ZNF534: variants seen among roughly 807,000 people sequenced by gnomAD.
ZNF534 encodes zinc finger protein 534, also known as KRAB domain only 3.
A neutral mutation model predicts 13.6 loss-of-function variants in ZNF534; 19 were observed. The ratio of observed to expected loss-of-function variants is 1.40; its 90% CI spans 0.97 to 2.05. ZNF534 has a LOEUF of 2.05. Ranked by LOEUF, ZNF534 falls within the 30% of genes most tolerant of loss-of-function variation. ZNF534 has a pLI of 0.00. For missense variants in ZNF534, 782 were observed against 796.3 expected, an observed-to-expected ratio of 0.98 and a Z score of 0.22; for synonymous variants, 244 against 273.8, an observed-to-expected ratio of 0.89 and a Z score of 1.07.
At position 52,442,251 on chromosome 19, in the gene ZNF534, G is replaced by A. The variant is rs967902957; in HGVS notation, c.*2805G>A. On this transcript the variant is annotated 3_prime_UTR_variant, in exon 5 of 5. Coordinates refer to ENST00000433050, the MANE Select transcript of ZNF534 (RefSeq NM_001143938.3). ...GATGGGCATGACACCCATGCTGAAGGTCGTTGGTTTACCAGAATGATGGCA... is the reference window on the plus strand; with the variant it reads ...GATGGGCATGACACCCATGCTGAAGATCGTTGGTTTACCAGAATGATGGCA... Among the ~76,000 whole-genome samples, 1 of 152,170 alleles carries A rather than the reference G, an allele frequency of 6.6e-6. No homozygotes were observed. Among genetic ancestry groups the A allele is most frequent in the African/African-American group, 2.4e-5 (1 of 41,438 alleles).
chr19:52,451,985 C>A, exon 5 of ZNF534: 1 of 317,232 alleles, frequency 3.2e-6, no homozygotes, highest in Non-Finnish European at 6.4e-6. Context: ...ATACCTTTTT[C>A]TTAAAAACAA....
chr19:52,445,579 T>C (rs1198769265), downstream of ZNF534, among the ~76,000 whole-genome samples: 1 of 152,160 alleles, frequency 6.6e-6, no homozygotes, highest in Non-Finnish European at 1.5e-5. Flanking sequence ...CAGTGACGGT[T>C]TGTGTTCTTG....
intron 1 of ZNF534, among the ~76,000 whole-genome samples, 162 bp downstream of exon 1, chr19:52,429,406 C>T (rs2059071481): frequency 1.3e-5 from 2 of 152,158 alleles, no homozygotes; most frequent in Non-Finnish European, 1.5e-5. Flanking sequence ...CGCTTACCTG[C>T]GTGTTAAAAC....
At chr19:52,430,845 C>CTT (rs55783711) in intron 1 of ZNF534, among the ~76,000 whole-genome samples, 1 of 144,242 alleles carries the variant, frequency 6.9e-6, no homozygotes. Flanking sequence ...CACACATGGC[C>CTT]TTTTTTTTTT....
At chr19:52,435,297 G>A (rs2059121868) in intron 4 of ZNF534, 88 bp downstream of exon 4, 1 of 1,408,492 alleles carries the variant, frequency 7.1e-7, no homozygotes, top group African/African-American at 1.4e-5. Context: ...GGAGTACAGT[G>A]GCAATCATAG....
chr19:52,433,377 G>C (rs905409481), intron 2 of ZNF534, among the ~76,000 whole-genome samples: 14 of 151,266 alleles, frequency 9.3e-5, no homozygotes, highest in African/African-American at 3.2e-4. Flanking sequence ...TCTTTTTGGG[G>C]GGGGGAGGGG....
At position 52,439,333 on chromosome 19, in the gene ZNF534, A is replaced by T. The variant is rs1302973565; in HGVS notation, c.1873A>T (p.Arg625Trp). Residue 625 changes from arginine (R) to tryptophan (W), a missense_variant, in exon 5 of 5, where the codon AGG becomes TGG. Physicochemically the swap from Arg to Trp is moderately radical, Grantham distance 101. Around this residue, in one of 5 missense-constraint regions of ZNF534, gnomAD observed 60 missense variants for 59.9 expected, o/e 1.00. Transcript: ENST00000433050. Reference protein sequence around the residue: ...FSRNSRLAQHRNIHTGVKPYS... With the variant: ...FSRNSRLAQHWNIHTGVKPYS... ...TCGGAATTCACGCCTTGCACAACAT[A>T]GGAATATTCATACTGGAGTGAAGCC... The T allele has an allele frequency of 1.2e-5, 18 of 1,553,724 alleles. No individual in the cohort carries two copies. The highest frequency in any genetic ancestry group is 1.6e-5 in the Non-Finnish European group (18 of 1,148,168).
chr19:52,448,253 A>G (rs368398794), intron 4 of ZNF534, among the ~76,000 whole-genome samples: 274 of 152,146 alleles, frequency 1.8e-3, no homozygotes, highest in South Asian at 9.8e-3. Flanking sequence ...CATCTCTACT[A>G]AAAATACAAA....
Position 52,434,049 on chromosome 19 carries a change from T to C in ZNF534, c.110T>C (p.Met37Thr), listed in dbSNP as rs2059111369. ...PGQKALYRDVMLENYRNLVSL... is the reference protein window; with the variant it reads ...PGQKALYRDVTLENYRNLVSL... The stretch of plus-strand genomic sequence containing the variant: ...CAGAAAGCTTTATACAGGGACGTGA[T>C]GTTAGAGAACTACAGGAACCTGGTC... Residue 37 changes from methionine (M) to threonine (T), a missense_variant, in exon 3 of 5, where the codon ATG becomes ACG. Met to Thr is a moderately conservative substitution (Grantham distance 81, BLOSUM62 -1). Coordinates refer to ENST00000433050, the MANE Select transcript of ZNF534 (RefSeq NM_001143938.3). The C allele has an allele frequency of 1.9e-6, 3 of 1,614,062 alleles. No homozygotes were observed. Among genetic ancestry groups the C allele is most frequent in the Admixed American group, 3.3e-5 (2 of 60,000 alleles).
chr19:52,451,247 G>A lies in ZNF534; in HGVS notation c.332G>A (p.Gly111Glu), dbSNP rs545152406. 1.2e-5 allele frequency: 9 copies of A among 760,674 alleles called. No individual in the cohort carries two copies. In the African/African-American group the frequency reaches 1.6e-4, roughly 13 times the overall value. The allele number at this position is 760,674 out of a possible 1,614,324, so 47.1% of individuals were successfully genotyped here. The change falls in exon 5 of 5, where the codon GGA becomes GAA. Residue 111 changes from glycine (G) to glutamate (E), a missense_variant. By Grantham distance (98) the Gly-to-Glu change is moderately conservative (BLOSUM62 -2). Transcript: ENST00000301085. The stretch of plus-strand genomic sequence containing the variant: ...AGGGTGGAAGCCTGGCGCGCGTCCG[G>A]AGGTGCTGAGGAGCCAACCGGCCCA...
chr19:52,447,683 A>G (rs1420807929), intron 4 of ZNF534, among the ~76,000 whole-genome samples: 1 of 152,066 alleles, frequency 6.6e-6, no homozygotes, highest in Non-Finnish European at 1.5e-5. Context: ...TACATTGATC[A>G]AATTTTATTT....
rs1419632940 is a variant in ZNF534 at position 52,435,883 on chromosome 19, G to A, written c.271+674G>A. 2.7e-5 allele frequency among the ~76,000 whole-genome samples: 4 copies of A among 150,824 alleles called. No individual in the cohort carries two copies. The East Asian group carries it at 7.8e-4, about 29-fold the overall frequency. On this transcript the variant is annotated intron_variant, in intron 4 of 4. Coordinates refer to ENST00000433050, the MANE Select transcript of ZNF534 (RefSeq NM_001143938.3). ...GAAAGCCTGAATTATTTTTGTAGAT[G>A]AGTTTTACTAAATATAGTATTCTTC...
chr19:52,444,651 ACT>A (rs2059187903), downstream of ZNF534, among the ~76,000 whole-genome samples: 1 of 146,868 alleles, frequency 6.8e-6, no homozygotes, highest in Admixed American at 6.8e-5. Context: ...CTGAGCTCAG[ACT>A]CTCCTTGGCA....
chr19:52,435,933 C>T (rs62110196), intron 4 of ZNF534, among the ~76,000 whole-genome samples: 2 of 17,552 alleles, frequency 1.1e-4, no homozygotes, highest in African/African-American at 1.4e-4. Context: ...TATTTTTCTT[C>T]TTCTTCTTTT....
intron 4 of ZNF534, 23 bp from the exon 5 acceptor site, chr19:52,437,709 C>A: frequency 6.5e-7 from 1 of 1,533,418 alleles, no homozygotes; most frequent in Non-Finnish European, 8.7e-7. Flanking sequence ...GGATTAAGTT[C>A]TAAAATTTTC....
At position 52,437,867 on chromosome 19, in the gene ZNF534, A is replaced by G. The variant is rs747483625; in HGVS notation, c.407A>G (p.Glu136Gly). 4.3e-6 allele frequency: 7 copies of G among 1,613,712 alleles called. No homozygotes were observed. The African/African-American group carries it at 9.3e-5, about 22-fold the overall frequency. ...AATATTTATGGATGTAAGCATGTTG[A>G]GAAATCTATCAGTGACAATTCTTCA... The part of the protein sequence containing the change: ...VRNIYGCKHV[E>G]KSISDNSSVS... Residue 136 changes from glutamate to glycine, a missense_variant, in exon 5 of 5, where the codon GAG becomes GGG. Glu to Gly is a moderately conservative substitution (Grantham distance 98). This residue lies in a region of ZNF534 where 591 missense variants were observed against 574.0 expected (regional missense o/e 1.03). Coordinates refer to ENST00000433050, the MANE Select transcript of ZNF534 (RefSeq NM_001143938.3).
rs151189562 is a variant in ZNF534, at chr19:52,438,071, G to A, written c.611G>A (p.Arg204His). The part of the protein sequence containing the change: ...VFRVSSSLTN[R>H]QVIHIADKTY... ...AGAGTGTCTTCAAGCCTTACTAACC[G>A]TCAAGTAATCCACATTGCAGATAAA... Residue 204 changes from arginine to histidine, a missense_variant, in exon 5 of 5, where the codon CGT becomes CAT. Physicochemically the swap from Arg to His is conservative, Grantham distance 29 (BLOSUM62 0). Coordinates refer to ENST00000433050, the MANE Select transcript of ZNF534 (RefSeq NM_001143938.3). 61 of 1,614,120 alleles carry A rather than the reference G, an allele frequency of 3.8e-5. No homozygotes were observed. Among genetic ancestry groups the A allele is most frequent in the African/African-American group, 2.4e-4 (18 of 75,042 alleles).
chr19:52,439,851 C>T lies in ZNF534; in HGVS notation c.*405C>T, dbSNP rs2059160770. On this transcript the variant is annotated 3_prime_UTR_variant, in exon 5 of 5. Coordinates refer to ENST00000433050, the MANE Select transcript of ZNF534 (RefSeq NM_001143938.3). Reference sequence around the variant, plus strand: ...TGGGAGGCCAAGGTGGCCAGATCACCTGAGGTTAGAAGTTCGAGACCAGCC... The same window carrying T: ...TGGGAGGCCAAGGTGGCCAGATCACTTGAGGTTAGAAGTTCGAGACCAGCC... Among the ~76,000 whole-genome samples the T allele has an allele frequency of 6.6e-6, 1 of 151,878 alleles. No individual in the cohort carries two copies. The highest frequency in any genetic ancestry group is 2.1e-4 in the South Asian group (1 of 4,820).
chr19:52,449,104 T>A (rs1397437046), intron 4 of ZNF534, among the ~76,000 whole-genome samples: 1 of 152,210 alleles, frequency 6.6e-6, no homozygotes, highest in Non-Finnish European at 1.5e-5. Context: ...ATGAGATAAT[T>A]GTCTTTTCTG....
Sources: allele counts gnomAD v4.1 joint callset (sites outside exome capture counted in the v4.1 genomes callset), GRCh38; gene constraint gnomAD v4.1.1; regional missense constraint gnomAD v4.1.1; transcripts MANE v1.5; gene names NCBI Gene and HGNC (gene_info 2026-07-23, HGNC 2026-07-21).